FAT3: variants seen among roughly 807,000 people sequenced by gnomAD.
FAT3 encodes the protein protocadherin Fat 3.
A neutral mutation model predicts 310.2 loss-of-function variants in FAT3; 95 were observed. The observed-to-expected ratio is 0.31, with a 90% CI of 0.26 to 0.36. The LOEUF is 0.36. FAT3 is among the 10% of genes least tolerant of loss of function. FAT3 has a pLI of 1.00. For missense variants in FAT3, 5,408 were observed against 5,715.6 expected (o/e 0.95, Z 1.74); for synonymous variants, 2,314 against 2,192.9 (o/e 1.06, Z -1.54).
At position 92,799,114 on chromosome 11, in the gene FAT3, T is replaced by G; in HGVS notation, c.6101T>G (p.Val2034Gly). 4.3e-6 allele frequency: 7 copies of G among 1,613,782 alleles called. No homozygotes were observed. The highest frequency in any genetic ancestry group is 5.9e-6 in the Non-Finnish European group (7 of 1,179,840). The change falls in exon 10 of 28, where the codon GTC becomes GGC. Residue 2034 changes from valine (V) to glycine (G), a missense_variant. Transcript: ENST00000525166. ...NKFKIKSTSGVIQTTGVPFDR... is the reference protein window; with the variant it reads ...NKFKIKSTSGGIQTTGVPFDR... ...TTCAAGATAAAATCTACCTCAGGGG[T>G]CATTCAGACGACTGGAGTCCCCTTT... is the stretch of plus-strand genomic sequence containing the variant.
intron 1 of FAT3, among the ~76,000 whole-genome samples, chr11:92,249,469 A>G (rs1322942565): frequency 6.6e-6 from 1 of 152,134 alleles, no homozygotes; most frequent in Non-Finnish European, 1.5e-5. Flanking sequence ...CCATCGACCA[A>G]GCATTCTGTC....
intron 1 of FAT3, among the ~76,000 whole-genome samples, chr11:92,246,877 T>A (rs966961270): frequency 6.6e-6 from 1 of 151,962 alleles, no homozygotes; most frequent in African/African-American, 2.4e-5. Context: ...GAGATGTGAG[T>A]CAGAAGAACA....
At chr11:92,274,322 T>G (rs1429496113) in intron 1 of FAT3, among the ~76,000 whole-genome samples, 1 of 152,076 alleles carries the variant, frequency 6.6e-6, no homozygotes, top group Non-Finnish European at 1.5e-5. Context: ...TAAACCTTCT[T>G]GATTTGGTCT....
intron 16 of FAT3, 78 bp downstream of exon 16, chr11:92,836,781 G>A (rs1948420556): frequency 1.3e-6 from 2 of 1,514,526 alleles, no homozygotes; most frequent in Non-Finnish European, 8.9e-7. Flanking sequence ...CTCCACGGGT[G>A]TAAATAGGAA....
chr11:92,406,317 C>G (rs145189799), intron 2 of FAT3, among the ~76,000 whole-genome samples: 1 of 152,118 alleles, frequency 6.6e-6, no homozygotes, highest in African/African-American at 2.4e-5. Context: ...TTGTCTTGCT[C>G]TCTGGGAAAT....
chr11:92,657,465 C>T (rs553591893), intron 3 of FAT3, among the ~76,000 whole-genome samples: 1 of 152,284 alleles, frequency 6.6e-6, no homozygotes, highest in South Asian at 2.1e-4. Context: ...CTGAGGTAGC[C>T]AAGTTTATGT....
At chr11:92,733,073 G>A (rs1042840594) in intron 4 of FAT3, among the ~76,000 whole-genome samples, 8 of 152,200 alleles carry the variant, frequency 5.3e-5, no homozygotes, top group Non-Finnish European at 1.2e-4. Context: ...GCCTAGAGAG[G>A]AGGGAAGATG....
At chr11:92,648,610 G>A (rs569591) in intron 3 of FAT3, among the ~76,000 whole-genome samples, 86,990 of 151,978 alleles carry the variant, frequency 0.57, 26,656 homozygotes, top group African/African-American at 0.8. Flanking sequence ...TCTGTCATTC[G>A]TTTTCTGCCT....
chr11:92,311,476 C>G lies in FAT3; in HGVS notation c.-17-40620C>G, dbSNP rs76109080. 7.3e-3 allele frequency among the ~76,000 whole-genome samples: 1,105 copies of G among 152,174 alleles called. 13 individuals carry two copies. The highest frequency in any genetic ancestry group is 8.5e-3 in the Non-Finnish European group (580 of 68,014). ...GAAGGAAAGGTATATGTTGGGATACCCAATTTAAGTCACCTTATTTTATTT... is the reference window on the plus strand; with the variant it reads ...GAAGGAAAGGTATATGTTGGGATACGCAATTTAAGTCACCTTATTTTATTT... On this transcript the variant is annotated intron_variant, in intron 1 of 27. Coordinates refer to ENST00000525166, the MANE Select transcript of FAT3 (RefSeq NM_001367949.2).
rs779427334 is a variant in FAT3, at chr11:92,840,709, G to A, written c.10516G>A (p.Ala3506Thr). 5 of 1,607,802 alleles carry A rather than the reference G, an allele frequency of 3.1e-6. No individual in the cohort carries two copies. Among genetic ancestry groups the A allele is most frequent in the Non-Finnish European group, 4.3e-6 (5 of 1,174,934 alleles). Residue 3506 changes from alanine to threonine, a missense_variant, in exon 18 of 28, where the codon GCT becomes ACT. Coordinates refer to ENST00000525166, the MANE Select transcript of FAT3 (RefSeq NM_001367949.2). ...GGACCCTCATGGGATCTTGCGGTCG[G>A]CTGTGGTCTTCCAGCACACAGAGTC... is the stretch of plus-strand genomic sequence containing the variant. ...VLDPHGILRS[A>T]VVFQHTESLE...
chr11:92,865,162 G>A (rs1174010457), intron 21 of FAT3, among the ~76,000 whole-genome samples: 1 of 152,160 alleles, frequency 6.6e-6, no homozygotes, highest in Non-Finnish European at 1.5e-5. Context: ...TGTTTATGTG[G>A]CATGACCTAC....
chr11:92,586,212 T>A (rs542684718), intron 3 of FAT3, among the ~76,000 whole-genome samples: 2 of 152,078 alleles, frequency 1.3e-5, no homozygotes, highest in Non-Finnish European at 2.9e-5. Context: ...ATATAATAGA[T>A]ACAATGGTGT....
intron 1 of FAT3, among the ~76,000 whole-genome samples, chr11:92,314,665 C>G (rs1232832226): frequency 2.0e-5 from 3 of 152,170 alleles, no homozygotes; most frequent in African/African-American, 7.2e-5. Context: ...CCTTCCAGAA[C>G]TTTGCAGAAA....
At chr11:92,340,617 G>C (rs911684903) in intron 1 of FAT3, among the ~76,000 whole-genome samples, 6 of 152,152 alleles carry the variant, frequency 3.9e-5, no homozygotes, top group Non-Finnish European at 8.8e-5. Flanking sequence ...TCATTTCAAG[G>C]ATACAACATG....
chr11:92,771,500 C>T (rs772474172), intron 6 of FAT3, among the ~76,000 whole-genome samples: 1 of 150,180 alleles, frequency 6.7e-6, no homozygotes, highest in Non-Finnish European at 1.5e-5. Flanking sequence ...CATTTTAAAA[C>T]TCATGGAAGA....
intron 2 of FAT3, among the ~76,000 whole-genome samples, chr11:92,395,357 G>A (rs1949844487): frequency 6.6e-6 from 1 of 152,088 alleles, no homozygotes; most frequent in Non-Finnish European, 1.5e-5. Flanking sequence ...TTACCTATCA[G>A]GTCTCTTCTG....
chr11:92,310,809 A>T (rs759888308), intron 1 of FAT3, among the ~76,000 whole-genome samples: 11 of 152,132 alleles, frequency 7.2e-5, no homozygotes, highest in Admixed American at 2.0e-4. Context: ...CTGTATCATG[A>T]CGAGTAGTTT....
At chr11:92,880,693 G>A (rs781564209) in intron 22 of FAT3, 38 bp from the exon 23 acceptor site, 1 of 1,598,074 alleles carries the variant, frequency 6.3e-7, no homozygotes, top group Non-Finnish European at 8.5e-7. Flanking sequence ...AGCCCTAGCA[G>A]TGGCATCCAT....
intron 2 of FAT3, among the ~76,000 whole-genome samples, chr11:92,448,316 G>T (rs1207079403): frequency 6.6e-6 from 1 of 151,838 alleles, no homozygotes; most frequent in Non-Finnish European, 1.5e-5. Flanking sequence ...TTTCATGATT[G>T]CATCTGAACT....
Sources: allele counts gnomAD v4.1 joint callset (sites outside exome capture counted in the v4.1 genomes callset), GRCh38; gene constraint gnomAD v4.1.1; transcripts MANE v1.5; gene names NCBI Gene and HGNC (gene_info 2026-07-23, HGNC 2026-07-21).